RSRC1: variants seen among roughly 807,000 people sequenced by gnomAD.
RSRC1 encodes the protein arginine and serine rich coiled-coil 1.
A neutral mutation model predicts 49.1 loss-of-function variants in RSRC1; 39 were observed. That is an observed-to-expected ratio of 0.79 (90% CI 0.61 to 1.04). The LOEUF (loss-of-function observed/expected upper bound fraction) is 1.04. RSRC1 is among the 50% of genes least tolerant of loss of function. The pLI, the probability that RSRC1 is intolerant of heterozygous loss-of-function variation, is 0.00. For synonymous variants in RSRC1, 143 were observed against 130.8 expected, an observed-to-expected ratio of 1.09 and a Z score of -0.63; for missense variants, 388 against 402.4, an observed-to-expected ratio of 0.96 and a Z score of 0.31.
chr3:158,510,610 A>C (rs1234399886), intron 7 of RSRC1, among the ~76,000 whole-genome samples: 1 of 152,194 alleles, frequency 6.6e-6, no homozygotes, highest in Non-Finnish European at 1.5e-5. Flanking sequence ...ATCACAGAAA[A>C]TGGGGTACTC....
chr3:158,391,936 G>A (rs1733328292), intron 6 of RSRC1, among the ~76,000 whole-genome samples: 1 of 152,084 alleles, frequency 6.6e-6, no homozygotes, highest in Non-Finnish European at 1.5e-5. Flanking sequence ...CACAGCTAGA[G>A]TGAAATAAGC....
At chr3:158,224,619 G>T (rs1256657765) in intron 4 of RSRC1, among the ~76,000 whole-genome samples, 2 of 151,786 alleles carry the variant, frequency 1.3e-5, no homozygotes, top group Non-Finnish European at 2.9e-5. Context: ...TCAAGGTTAA[G>T]TAGCAGTGCA....
chr3:158,374,660 A>G (rs1482350903), intron 6 of RSRC1, among the ~76,000 whole-genome samples: 1 of 152,188 alleles, frequency 6.6e-6, no homozygotes, highest in African/African-American at 2.4e-5. Flanking sequence ...ATCAAATGCT[A>G]TCTGATTTAA....
chr3:158,244,502 G>A (rs1306890729), intron 4 of RSRC1, among the ~76,000 whole-genome samples: 2 of 152,108 alleles, frequency 1.3e-5, no homozygotes, highest in Admixed American at 6.5e-5. Context: ...GCTTTTTGAT[G>A]TGCTGCTAGA....
At chr3:158,450,507 A>G (rs1736967944) in intron 6 of RSRC1, among the ~76,000 whole-genome samples, 1 of 151,914 alleles carries the variant, frequency 6.6e-6, no homozygotes, top group African/African-American at 2.4e-5. Context: ...TTTTACCTGT[A>G]CATTTGTATT....
At chr3:158,139,759 G>A (rs1716627059) in intron 3 of RSRC1, among the ~76,000 whole-genome samples, 1 of 151,096 alleles carries the variant, frequency 6.6e-6, no homozygotes, top group Admixed American at 6.6e-5. Flanking sequence ...TCAGCCTCCC[G>A]AGTAGCTGAG....
chr3:158,210,067 C>A (rs933123612), intron 4 of RSRC1, among the ~76,000 whole-genome samples: 4 of 152,064 alleles, frequency 2.6e-5, no homozygotes, highest in African/African-American at 9.7e-5. Context: ...GTTTTGACAG[C>A]AGTTACATAC....
intron 3 of RSRC1, among the ~76,000 whole-genome samples, chr3:158,146,206 C>A (rs1184725638): frequency 6.6e-6 from 1 of 152,116 alleles, no homozygotes; most frequent in Non-Finnish European, 1.5e-5. Flanking sequence ...TGTCTTGTGC[C>A]AGTTTTCAAA....
At chr3:158,354,799 A>T in intron 5 of RSRC1, 58 bp from the exon 6 acceptor site, 2 of 1,322,824 alleles carry the variant, frequency 1.5e-6, no homozygotes, top group Non-Finnish European at 1.0e-6. Context: ...AACTCCATCA[A>T]TTAAAACTGA....
intron 7 of RSRC1, among the ~76,000 whole-genome samples, chr3:158,522,603 T>C (rs997037068): frequency 3.9e-5 from 6 of 152,162 alleles, no homozygotes; most frequent in African/African-American, 1.4e-4. Context: ...GACGACCAAA[T>C]GGAAAGGAGA....
intron 4 of RSRC1, among the ~76,000 whole-genome samples, chr3:158,231,622 A>G (rs150424463): frequency 3.4e-4 from 52 of 152,106 alleles, no homozygotes; most frequent in African/African-American, 1.2e-3. Flanking sequence ...TGGTCCTTTT[A>G]TTTTTGGGTC....
chr3:158,365,459 C>G (rs145262743), intron 6 of RSRC1, among the ~76,000 whole-genome samples: 1,628 of 152,210 alleles, frequency 0.011, 31 homozygotes, highest in African/African-American at 0.038. Context: ...TCATCCATGT[C>G]CCTGCAAAGG....
At chr3:158,404,407 A>G (rs1734047593) in intron 6 of RSRC1, among the ~76,000 whole-genome samples, 1 of 151,958 alleles carries the variant, frequency 6.6e-6, no homozygotes, top group Non-Finnish European at 1.5e-5. Flanking sequence ...ATGAAGAGAG[A>G]AACAATAATA....
At chr3:158,284,246 T>C (rs894590811) in intron 4 of RSRC1, among the ~76,000 whole-genome samples, 21 of 152,048 alleles carry the variant, frequency 1.4e-4, no homozygotes, top group African/African-American at 4.6e-4. Context: ...GGCTGCATAG[T>C]ATTCCATGGT....
chr3:158,287,440 C>T (rs1726637703), intron 4 of RSRC1, among the ~76,000 whole-genome samples: 1 of 151,906 alleles, frequency 6.6e-6, no homozygotes, highest in South Asian at 2.1e-4. Flanking sequence ...AATTATTTAA[C>T]CTCAGTTCTC....
At chr3:158,529,214 G>GTATATATATATA (rs10596761) in intron 7 of RSRC1, among the ~76,000 whole-genome samples, 1 of 143,150 alleles carries the variant, frequency 7.0e-6, no homozygotes, top group African/African-American at 2.6e-5. Context: ...ATGTGTGTGT[G>GTATATATATATA]TATATATATA....
At chr3:158,174,780 C>A (rs1176245935) in intron 3 of RSRC1, among the ~76,000 whole-genome samples, 1 of 151,944 alleles carries the variant, frequency 6.6e-6, no homozygotes, top group East Asian at 1.9e-4. Flanking sequence ...AGATTGTATC[C>A]ATTTTGGTAT....
chr3:158,389,449 C>T (rs1733152628), intron 6 of RSRC1, among the ~76,000 whole-genome samples: 1 of 152,102 alleles, frequency 6.6e-6, no homozygotes, highest in South Asian at 2.1e-4. Flanking sequence ...ATATATTTAA[C>T]ATTTTGAAAT....
At chr3:158,473,486 G>A (rs1738231008) in intron 7 of RSRC1, among the ~76,000 whole-genome samples, 1 of 152,048 alleles carries the variant, frequency 6.6e-6, no homozygotes, top group Non-Finnish European at 1.5e-5. Context: ...ACACAGGAAG[G>A]GGAACATCAC....
Sources: gnomAD v4.1 joint callset for allele counts (sites outside exome capture counted in the v4.1 genomes callset) on GRCh38, gnomAD v4.1.1 for gene constraint, MANE v1.5 for transcripts, NCBI Gene and HGNC (gene_info 2026-07-23, HGNC 2026-07-21) for gene names.